Variants in SEC14L1 observed in about 807,000 individuals in gnomAD.
SEC14L1 encodes SEC14-like protein 1.
In SEC14L1, 48 loss-of-function variants were observed where a neutral mutation model predicts 85.3. That is an observed-to-expected ratio of 0.56 (90% CI 0.45 to 0.72). SEC14L1 has a LOEUF of 0.72. SEC14L1 is among the 30% of genes least tolerant of loss of function. The probability of loss-of-function intolerance (pLI) is 0.00; values close to 1 mark genes in which losing one functional copy is unlikely to be tolerated. For synonymous variants in SEC14L1, 391 were observed against 355.5 expected (o/e 1.10, Z -1.12); for missense variants, 682 against 921.4 (o/e 0.74, Z 3.36).
intron 3 of SEC14L1, among the ~76,000 whole-genome samples, chr17:77,185,837 G>T (rs1236419208): frequency 1.3e-5 from 2 of 152,090 alleles, no homozygotes; most frequent in Non-Finnish European, 2.9e-5. Context: ...CTTTGAATGG[G>T]ACTTATCTGT....
rs1402087901 is a variant in SEC14L1, at chr17:77,205,329, C to G, written c.1152C>G (p.Val384=). The change falls in exon 11 of 17, where the codon GTC becomes GTG. Residue 384 remains valine (V), a synonymous_variant. Coordinates refer to ENST00000436233, the MANE Select transcript of SEC14L1 (RefSeq NM_001143998.2). ...GGCGATGCGAAGAGAATACAAAAGT[C>G]TTTGGTCGGCCTATCAGGTAGATGT... is the stretch of plus-strand genomic sequence containing the variant. ...GLRRCEENTK[V]FGRPISSWTC... 6.2e-7 allele frequency: 1 copy of G among 1,614,088 alleles called. No individual in the cohort carries two copies. Among genetic ancestry groups the G allele is most frequent in the African/African-American group, 1.3e-5 (1 of 75,050 alleles).
intron 3 of SEC14L1, among the ~76,000 whole-genome samples, chr17:77,121,743 G>T (rs1474270296): frequency 6.6e-6 from 1 of 152,200 alleles, no homozygotes; most frequent in African/African-American, 2.4e-5. Context: ...TGGTTAAGGA[G>T]CCTGCCCAAT....
chr17:77,118,298 A>C (rs2143391465), intron 3 of SEC14L1, among the ~76,000 whole-genome samples: 1 of 152,376 alleles, frequency 6.6e-6, no homozygotes, highest in East Asian at 1.9e-4. Context: ...CTTGAGGATT[A>C]CAAATCAGTG....
rs747180258 is a variant in SEC14L1, at chr17:77,206,397, G to A, written c.1338G>A (p.Thr446=). The A allele has an allele frequency of 2.5e-6, 4 of 1,612,904 alleles. No homozygotes were observed. Among genetic ancestry groups the A allele is most frequent in the Non-Finnish European group, 2.5e-6 (3 of 1,179,212 alleles). ...RAPRVFPVLW[T]LVSPFIDDNT... The stretch of plus-strand genomic sequence containing the variant: ...CCAGGGTATTTCCTGTGCTCTGGAC[G>A]CTGGTGGGTTGAGATGCTTTTTGCA... Residue 446 remains threonine (T), a synonymous_variant, in exon 12 of 17, where the codon ACG becomes ACA. Transcript: ENST00000436233. The surrounding 1 kb of genome is among the most constrained non-coding windows in gnomAD (Gnocchi z 4.3).
intron 7 of SEC14L1, 84 bp downstream of exon 7, chr17:77,194,995 C>T: frequency 1.0e-6 from 1 of 983,024 alleles, no homozygotes; most frequent in South Asian, 1.4e-5. Context: ...CTGCCTGTTC[C>T]CGCTTCCTTG....
At chr17:77,185,061 A>T (rs1975207000) in intron 3 of SEC14L1, among the ~76,000 whole-genome samples, 1 of 152,362 alleles carries the variant, frequency 6.6e-6, no homozygotes, top group East Asian at 1.9e-4. Context: ...GGTCAGGGTA[A>T]GAGAGTGCAG....
At chr17:77,114,381 G>C (rs1382848650) in intron 3 of SEC14L1, among the ~76,000 whole-genome samples, 1 of 151,900 alleles carries the variant, frequency 6.6e-6, no homozygotes, top group African/African-American at 2.4e-5. Flanking sequence ...AAAATTAGCT[G>C]GGCATGGTGG....
chr17:77,151,645 A>G (rs1286014716), intron 3 of SEC14L1, among the ~76,000 whole-genome samples: 1 of 152,196 alleles, frequency 6.6e-6, no homozygotes, highest in African/African-American at 2.4e-5. Context: ...AATTTCAAGC[A>G]TACACAGGTA....
At position 77,206,080 on chromosome 17, in the gene SEC14L1, TCATAGCACTATA is replaced by T. The variant is rs908256657; in HGVS notation, c.1170-136_1170-125del. On this transcript the variant is annotated intron_variant, in intron 11 of 16. Transcript: ENST00000436233. The surrounding 1 kb of genome is among the most constrained non-coding windows in gnomAD (Gnocchi z 4.3). Reference sequence around the variant, plus strand: ...TTGTACAAGTAGATATAAACAGGGTTCATAGCACTATACATAGCACTATAATTTAAAAAAATT... The same window carrying T: ...TTGTACAAGTAGATATAAACAGGGTTCATAGCACTATAATTTAAAAAAATT... 8 of 720,352 alleles carry T rather than the reference TCATAGCACTATA, an allele frequency of 1.1e-5. No individual in the cohort carries two copies. The highest frequency in any genetic ancestry group is 1.8e-5 in the African/African-American group (1 of 55,980). 44.6% of individuals were successfully genotyped at this position (720,352 alleles called of 1,614,324 possible).
At position 77,213,827 on chromosome 17, in the gene SEC14L1, A is replaced by C. The variant is rs577028494; in HGVS notation, c.2043-91A>C. ...TGGGGATGAGAAGTGAGCAGAGAAC[A>C]GGGTGGGCCACGAAGTCCAGCAGGC... On this transcript the variant is annotated intron_variant, in intron 16 of 16. Transcript: ENST00000436233. The surrounding 1 kb of genome is among the most constrained non-coding windows in gnomAD (Gnocchi z 7.1). 80 of 1,482,628 alleles carry C rather than the reference A, an allele frequency of 5.4e-5. No individual in the cohort carries two copies. The highest frequency in any genetic ancestry group is 7.1e-5 in the Non-Finnish European group (76 of 1,063,476). The allele number at this position is 1,482,628 out of a possible 1,614,324, so 91.8% of individuals were successfully genotyped here. A position where few individuals can be genotyped will look rare whatever the true frequency, so the allele number is the denominator to read the frequency against.
At chr17:77,138,939 G>T (rs1349960665), upstream of SEC14L1, among the ~76,000 whole-genome samples, 1 of 152,170 alleles carries the variant, frequency 6.6e-6, no homozygotes, top group East Asian at 1.9e-4. Context: ...AATCATAAAT[G>T]AATGTATGGC....
At chr17:77,168,856 T>C (rs1363318325) in intron 3 of SEC14L1, among the ~76,000 whole-genome samples, 2 of 152,178 alleles carry the variant, frequency 1.3e-5, no homozygotes, top group Non-Finnish European at 2.9e-5. Context: ...CCAGTCTACA[T>C]TTTTGTTTAT....
chr17:77,194,945 G>A, intron 7 of SEC14L1, 34 bp downstream of exon 7: 4 of 1,522,984 alleles, frequency 2.6e-6, no homozygotes, highest in Non-Finnish European at 3.6e-6. Context: ...CCGAGAGCAA[G>A]GCTAGGGAAG....
intron 3 of SEC14L1, chr17:77,130,071 T>C (rs937448204): frequency 1.3e-5 from 2 of 152,170 alleles, no homozygotes; most frequent in African/African-American, 4.8e-5. Context: ...CTGAAAGGCT[T>C]GGTGGCGCTC....
At chr17:77,126,849 G>C (rs1972461499) in intron 3 of SEC14L1, among the ~76,000 whole-genome samples, 1 of 152,204 alleles carries the variant, frequency 6.6e-6, no homozygotes, top group Non-Finnish European at 1.5e-5. Context: ...CCAGGAGGCT[G>C]ACTCTGTGGG....
At chr17:77,191,740 A>T in intron 5 of SEC14L1, among the ~76,000 whole-genome samples, 1 of 149,738 alleles carries the variant, frequency 6.7e-6, no homozygotes. Context: ...ATGGGGTTTC[A>T]CCGTGTTGGC....
At chr17:77,090,988 T>C (rs1046008297) in intron 2 of SEC14L1, among the ~76,000 whole-genome samples, 3 of 148,878 alleles carry the variant, frequency 2.0e-5, no homozygotes, top group Non-Finnish European at 4.5e-5. Flanking sequence ...AAAAAAAAGA[T>C]AGGGAAGGCC....
chr17:77,183,924 T>C (rs1464464081), intron 3 of SEC14L1, among the ~76,000 whole-genome samples: 2 of 152,182 alleles, frequency 1.3e-5, no homozygotes, highest in African/African-American at 4.8e-5. Flanking sequence ...TAGCTGGGAT[T>C]ATAGGCATGC....
chr17:77,212,492 C>T (rs1007470598), intron 15 of SEC14L1, among the ~76,000 whole-genome samples: 12 of 152,010 alleles, frequency 7.9e-5, no homozygotes, highest in African/African-American at 2.4e-4. Context: ...TAGGATTTTT[C>T]CCCCCCGCCT....
Sources: gnomAD v4.1 joint callset for allele counts (sites outside exome capture counted in the v4.1 genomes callset) on GRCh38, gnomAD v4.1.1 for gene constraint, Gnocchi (gnomAD v3.1) non-coding constraint, MANE v1.5 for transcripts, NCBI Gene and HGNC (gene_info 2026-07-23, HGNC 2026-07-21) for gene names.